DPYD: variants seen among roughly 807,000 people sequenced by gnomAD.
DPYD encodes dihydropyrimidine dehydrogenase [NADP(+)].
In DPYD, 109 loss-of-function variants were observed where a neutral mutation model predicts 116.2. That is an observed-to-expected ratio of 0.94 (90% CI 0.80 to 1.10). The LOEUF (loss-of-function observed/expected upper bound fraction) is 1.10. Ranked by LOEUF, DPYD falls within the 50% of genes least tolerant of loss-of-function variation. The probability of loss-of-function intolerance (pLI) is 0.00; values close to 1 mark genes in which losing one functional copy is unlikely to be tolerated. For synonymous variants in DPYD, 440 were observed against 432.0 expected, an observed-to-expected ratio of 1.02 and a Z score of -0.23; for missense variants, 1,302 against 1,254.5, an observed-to-expected ratio of 1.04 and a Z score of -0.57.
At chr1:97,477,632 A>G (rs7513298) in intron 13 of DPYD, among the ~76,000 whole-genome samples, 97,913 of 122,098 alleles carry the variant, frequency 0.8, 38,165 homozygotes, top group East Asian at 0.85. Flanking sequence ...TTTTTTTTTT[A>G]AGACGGAGTC....
intron 3 of DPYD, among the ~76,000 whole-genome samples, chr1:97,759,955 C>G (rs1665480860): frequency 6.6e-6 from 1 of 152,112 alleles, no homozygotes; most frequent in South Asian, 2.1e-4. Flanking sequence ...GCAAAAGACT[C>G]TAAAAACACG....
intron 18 of DPYD, among the ~76,000 whole-genome samples, chr1:97,259,801 A>G (rs556360059): frequency 1.2e-4 from 19 of 152,264 alleles, no homozygotes; most frequent in Admixed American, 7.2e-4. Context: ...TCCTTCTTCT[A>G]TATCTGTACA....
At chr1:97,604,453 C>T (rs952116870) in intron 8 of DPYD, among the ~76,000 whole-genome samples, 2 of 151,994 alleles carry the variant, frequency 1.3e-5, no homozygotes, top group Non-Finnish European at 1.5e-5. Flanking sequence ...TAATATTCAT[C>T]GATCAGTGTT....
chr1:97,145,180 T>C (rs1310350391), intron 20 of DPYD, among the ~76,000 whole-genome samples: 1 of 152,198 alleles, frequency 6.6e-6, no homozygotes, highest in African/African-American at 2.4e-5. Flanking sequence ...AGTGCACATG[T>C]TCTAATCTAA....
intron 19 of DPYD, among the ~76,000 whole-genome samples, chr1:97,201,243 A>C (rs1659179087): frequency 6.6e-6 from 1 of 152,128 alleles, no homozygotes; most frequent in African/African-American, 2.4e-5. Flanking sequence ...GACCCACTTA[A>C]AATTTCTTAC....
intron 14 of DPYD, among the ~76,000 whole-genome samples, chr1:97,386,880 T>C (rs1403694415): frequency 6.6e-6 from 1 of 151,956 alleles, no homozygotes; most frequent in East Asian, 1.9e-4. Context: ...CTGGACATAA[T>C]TTAATATTTA....
At position 97,573,827 on chromosome 1, in the gene DPYD, ATCT is replaced by A; in HGVS notation, c.1269_1271del (p.Glu423del). On this transcript the variant is annotated inframe_deletion, in exon 11 of 23. Transcript: ENST00000370192. ...CATCGGCTTTCAGATGGACCATCTG[ATCT>A]TCATCTTCATTCCATTTTCCAGTTT... 6.2e-7 allele frequency: 1 copy of A among 1,613,638 alleles called. No homozygotes were observed. The highest frequency in any genetic ancestry group is 8.5e-7 in the Non-Finnish European group (1 of 1,179,674).
chr1:97,532,909 T>C (rs911488139), intron 12 of DPYD, among the ~76,000 whole-genome samples: 1 of 123,486 alleles, frequency 8.1e-6, no homozygotes, highest in African/African-American at 3.5e-5. Context: ...TTGGGCTTAG[T>C]TGTTTTTTTT....
chr1:97,773,341 G>A (rs187505086), intron 3 of DPYD, among the ~76,000 whole-genome samples: 136 of 152,242 alleles, frequency 8.9e-4, no homozygotes, highest in Non-Finnish European at 1.7e-3. Context: ...GACATATTAG[G>A]ATATTAGTAA....
At chr1:97,283,134 A>G (rs1176627153) in intron 18 of DPYD, among the ~76,000 whole-genome samples, 2 of 152,058 alleles carry the variant, frequency 1.3e-5, no homozygotes, top group East Asian at 1.9e-4. Context: ...ATTTTAGTCT[A>G]CTATTTATTT....
chr1:97,367,331 C>T (rs1671091733), intron 16 of DPYD, among the ~76,000 whole-genome samples: 1 of 150,190 alleles, frequency 6.7e-6, no homozygotes, highest in East Asian at 2.0e-4. Context: ...GAACATAGAA[C>T]AGATCGTGAA....
intron 12 of DPYD, among the ~76,000 whole-genome samples, chr1:97,520,251 C>T (rs188126625): frequency 1.3e-5 from 2 of 152,246 alleles, no homozygotes; most frequent in African/African-American, 4.8e-5. Context: ...AAATCTACCA[C>T]CTACCACCAA....
chr1:97,357,755 T>C (rs538383018), intron 16 of DPYD, among the ~76,000 whole-genome samples: 1 of 152,326 alleles, frequency 6.6e-6, no homozygotes, highest in African/African-American at 2.4e-5. Context: ...GTACAAATTA[T>C]TTAGCTCCTG....
chr1:97,100,742 A>G (rs775703210), intron 20 of DPYD, among the ~76,000 whole-genome samples: 2 of 152,096 alleles, frequency 1.3e-5, no homozygotes, highest in Admixed American at 6.6e-5. Flanking sequence ...CAGACAATGA[A>G]TGTAGTTAAA....
chr1:97,409,834 C>A (rs879900733), intron 14 of DPYD, among the ~76,000 whole-genome samples: 15 of 152,156 alleles, frequency 9.9e-5, no homozygotes, highest in Non-Finnish European at 1.9e-4. Context: ...ATGGCTCACA[C>A]CTTTTTGCTG....
chr1:97,203,298 A>G (rs1042267355), intron 19 of DPYD, among the ~76,000 whole-genome samples: 2 of 152,150 alleles, frequency 1.3e-5, no homozygotes, highest in African/African-American at 2.4e-5. Flanking sequence ...AGCTGTCAGA[A>G]GACTCAAATC....
At chr1:97,854,672 T>C (rs1044526229) in intron 2 of DPYD, among the ~76,000 whole-genome samples, 3 of 152,234 alleles carry the variant, frequency 2.0e-5, no homozygotes, top group African/African-American at 7.2e-5. Flanking sequence ...CTTCTCTTCC[T>C]TAGTTTTGAA....
At chr1:97,891,838 T>C (rs562830829) in intron 1 of DPYD, among the ~76,000 whole-genome samples, 92 of 152,038 alleles carry the variant, frequency 6.1e-4, no homozygotes, top group African/African-American at 2.0e-3. Context: ...CCAAACATAG[T>C]GTACCATTAA....
chr1:97,335,295 T>G (rs1288480965), intron 16 of DPYD, among the ~76,000 whole-genome samples: 1 of 123,526 alleles, frequency 8.1e-6, no homozygotes, highest in African/African-American at 3.4e-5. Context: ...TTTATGGAGT[T>G]AAGTACACAC....
Sources: allele counts gnomAD v4.1 joint callset (sites outside exome capture counted in the v4.1 genomes callset), GRCh38; gene constraint gnomAD v4.1.1; transcripts MANE v1.5; gene names NCBI Gene and HGNC (gene_info 2026-07-23, HGNC 2026-07-21).